Variants in DCAF10 observed in about 807,000 individuals in gnomAD.
DCAF10 encodes DDB1 and CUL4 associated factor 10.
Under a neutral mutation model 51.9 loss-of-function variants are expected in DCAF10, and 19 were observed. The ratio of observed to expected loss-of-function variants is 0.37; its 90% CI spans 0.26 to 0.54. The LOEUF (loss-of-function observed/expected upper bound fraction) is 0.54. Ranked by LOEUF, DCAF10 falls within the 20% of genes least tolerant of loss-of-function variation. The probability of loss-of-function intolerance (pLI) is 0.87; values close to 1 mark genes in which losing one functional copy is unlikely to be tolerated. For missense variants in DCAF10, 510 were observed against 730.6 expected (o/e 0.70, Z 3.48); for synonymous variants, 291 against 297.1 (o/e 0.98, Z 0.21).
At chr9:37,814,427 C>T (rs1441031056) in intron 1 of DCAF10, among the ~76,000 whole-genome samples, 1 of 148,820 alleles carries the variant, frequency 6.7e-6, no homozygotes, top group Non-Finnish European at 1.5e-5. Flanking sequence ...GGGTTACAGG[C>T]GTGAGCCACC....
At chr9:37,857,210 G>T in intron 4 of DCAF10, 31 bp from the exon 5 acceptor site, 1 of 1,520,170 alleles carries the variant, frequency 6.6e-7, no homozygotes, top group Non-Finnish European at 8.9e-7. Context: ...GTTATGCTAG[G>T]TTTATTGTCA....
chr9:37,842,012 T>C (rs976293259), intron 2 of DCAF10, 77 bp from the exon 3 acceptor site: 7 of 1,387,270 alleles, frequency 5.0e-6, no homozygotes, highest in East Asian at 2.3e-5. Context: ...CTAGGTAATA[T>C]AGTGACTGTT....
chr9:37,817,048 T>C (rs937057870), intron 1 of DCAF10, among the ~76,000 whole-genome samples: 2 of 152,194 alleles, frequency 1.3e-5, no homozygotes. Context: ...TGATGTTGCA[T>C]AGAATACCAA....
chr9:37,844,926 A>G (rs1830436676), intron 3 of DCAF10, among the ~76,000 whole-genome samples: 1 of 152,236 alleles, frequency 6.6e-6, no homozygotes, highest in Non-Finnish European at 1.5e-5. Flanking sequence ...GCTACCAACA[A>G]CTAGTGAAAA....
At position 37,800,949 on chromosome 9, in the gene DCAF10, A is replaced by G. The variant is rs910377853; in HGVS notation, c.83A>G (p.Gln28Arg). The change falls in exon 1 of 7, where the codon CAG becomes CGG. Residue 28 changes from glutamine to arginine, a missense_variant. Around this residue, in one of 4 missense-constraint regions of DCAF10, gnomAD observed 251 missense variants for 227.9 expected, o/e 1.10. Transcript: ENST00000377724. ...GAGGAGCCGACGCCCCACGAGGGGCAGGCAGCAGCCACCGGGCCGCCCTCG... is the reference window on the plus strand; with the variant it reads ...GAGGAGCCGACGCCCCACGAGGGGCGGGCAGCAGCCACCGGGCCGCCCTCG... ...GAEEPTPHEG[Q>R]AAATGPPSPL... 1.8e-5 allele frequency: 27 copies of G among 1,501,178 alleles called. No individual in the cohort carries two copies. The highest frequency in any genetic ancestry group is 2.1e-5 in the Non-Finnish European group (24 of 1,132,396). The allele number at this position is 1,501,178 out of a possible 1,614,324, so 93.0% of individuals were successfully genotyped here. A position where few individuals can be genotyped will look rare whatever the true frequency, so the allele number is the denominator to read the frequency against.
At chr9:37,825,828 G>A (rs544741532) in intron 2 of DCAF10, among the ~76,000 whole-genome samples, 63 of 152,138 alleles carry the variant, frequency 4.1e-4, no homozygotes, top group African/African-American at 1.3e-3. Context: ...AGACCAGCCT[G>A]GCCAACATAG....
At chr9:37,856,263 A>G (rs1311406926) in intron 4 of DCAF10, among the ~76,000 whole-genome samples, 1 of 152,260 alleles carries the variant, frequency 6.6e-6, no homozygotes, top group African/African-American at 2.4e-5. Context: ...AGTGCCTGGC[A>G]TAACTGTCAA....
chr9:37,801,049 G>A lies in DCAF10; in HGVS notation c.183G>A (p.Ser61=), dbSNP rs2118999958. ...ARSPRRPGAP[S]LSPAPRSGEL... ...GCCCTCGCCGCCCCGGCGCCCCATC[G>A]CTGTCCCCGGCCCCGCGCTCCGGAG... The change falls in exon 1 of 7, where the codon TCG becomes TCA. Residue 61 remains serine, a synonymous_variant. Coordinates refer to ENST00000377724, the MANE Select transcript of DCAF10 (RefSeq NM_024345.5). This position sits in a 1 kb window ranked among gnomAD's most constrained non-coding sequence, Gnocchi z 5.5. 7 of 1,534,926 alleles carry A rather than the reference G, an allele frequency of 4.6e-6. No individual in the cohort carries two copies. Among genetic ancestry groups the A allele is most frequent in the Non-Finnish European group, 5.2e-6 (6 of 1,149,830 alleles).
At chr9:37,858,792 T>C (rs1265916391) in intron 5 of DCAF10, among the ~76,000 whole-genome samples, 1 of 152,252 alleles carries the variant, frequency 6.6e-6, no homozygotes, top group Non-Finnish European at 1.5e-5. Context: ...GCATTAGAAC[T>C]CTATTTTTGA....
Position 37,838,272 on chromosome 9 carries a change from C to T in DCAF10, c.654-3817C>T, listed in dbSNP as rs193022174. Among the ~76,000 whole-genome samples, 3 of 152,006 alleles carry T rather than the reference C, an allele frequency of 2.0e-5. No homozygotes were observed. In the East Asian group the frequency reaches 5.8e-4, roughly 29 times the overall value. On this transcript the variant is annotated intron_variant, in intron 2 of 6. Transcript: ENST00000377724. Reference sequence around the variant, plus strand: ...TCAACTTTACTAAACATAAAAGTTTCAACTTAAAACAAGATGATTTTTTTC... The same window carrying T: ...TCAACTTTACTAAACATAAAAGTTTTAACTTAAAACAAGATGATTTTTTTC...
intron 2 of DCAF10, among the ~76,000 whole-genome samples, chr9:37,838,289 A>AT (rs1289596907): frequency 6.6e-6 from 1 of 152,104 alleles, no homozygotes; most frequent in Non-Finnish European, 1.5e-5. Context: ...AAACAAGATG[A>AT]TTTTTTTCCT....
At chr9:37,836,056 T>A in intron 2 of DCAF10, 1 of 1,122,224 alleles carries the variant, frequency 8.9e-7, no homozygotes, top group South Asian at 1.2e-5. Context: ...AAGGCTGTAT[T>A]GGACAGTTAT....
At chr9:37,846,670 T>C (rs995368695) in intron 3 of DCAF10, among the ~76,000 whole-genome samples, 6 of 152,040 alleles carry the variant, frequency 3.9e-5, no homozygotes, top group Non-Finnish European at 8.8e-5. Flanking sequence ...TTGGTCAGGC[T>C]GGTCTCAAAC....
At chr9:37,837,273 A>G (rs1438065664) in intron 2 of DCAF10, among the ~76,000 whole-genome samples, 3 of 152,086 alleles carry the variant, frequency 2.0e-5, no homozygotes, top group Non-Finnish European at 4.4e-5. Context: ...ATCCTGGCTA[A>G]CACGGTGAAA....
At chr9:37,842,053 T>G in intron 2 of DCAF10, 36 bp from the exon 3 acceptor site, 1 of 1,579,752 alleles carries the variant, frequency 6.3e-7, no homozygotes, top group African/African-American at 1.4e-5. Context: ...AAAAAGAGAT[T>G]AAATGAACCA....
rs536195262 is a variant in DCAF10 at position 37,866,673 on chromosome 9, C to G, written c.*5165C>G. The G allele has an allele frequency of 9.2e-5, 14 of 152,666 alleles. No homozygotes were observed. The East Asian group carries it at 2.7e-3, about 29-fold the overall frequency. The allele number at this position is 152,666 out of a possible 1,614,324, so 9.5% of individuals were successfully genotyped here. A position where few individuals can be genotyped will look rare whatever the true frequency, so the allele number is the denominator to read the frequency against. On this transcript the variant is annotated 3_prime_UTR_variant, in exon 7 of 7. Coordinates refer to ENST00000377724, the MANE Select transcript of DCAF10 (RefSeq NM_024345.5). ...TTGAGACAGCTCTTTTGGTTGCTTT[C>G]CACTTTTCTGAAAGGTTCACAGTAA...
At chr9:37,807,077 G>A (rs1372600191) in intron 1 of DCAF10, among the ~76,000 whole-genome samples, 3 of 152,172 alleles carry the variant, frequency 2.0e-5, no homozygotes, top group African/African-American at 7.2e-5. Context: ...GAAACTAACA[G>A]CAAGCATTTG....
rs115966513 is a variant in DCAF10, at chr9:37,838,199, A to G, written c.654-3890A>G. Among the ~76,000 whole-genome samples the G allele has an allele frequency of 3.6e-3, 553 of 152,322 alleles. 4 individuals carry two copies. The highest frequency in any genetic ancestry group is 0.013 in the African/African-American group (535 of 41,568). ...TACTGCAGTTGTAAAATCAGCAAGG[A>G]ACATGAACAGCAAAGAAATATATTT... On this transcript the variant is annotated intron_variant, in intron 2 of 6. Coordinates refer to ENST00000377724, the MANE Select transcript of DCAF10 (RefSeq NM_024345.5).
chr9:37,855,756 T>TC lies in DCAF10; in HGVS notation c.1054+777dup, dbSNP rs944205852. 6.6e-5 allele frequency among the ~76,000 whole-genome samples: 10 copies of TC among 152,172 alleles called. 1 individual carries two copies. The highest frequency in any genetic ancestry group is 6.5e-4 in the Admixed American group (10 of 15,270). ...CAGGTGCGGGGGCTCACACCTGTAA[T>TC]CCCATCACTTTGGGAGGCCAAGGTG... is the stretch of plus-strand genomic sequence containing the variant. On this transcript the variant is annotated intron_variant, in intron 4 of 6. Transcript: ENST00000377724.
Sources: allele counts gnomAD v4.1 joint callset (sites outside exome capture counted in the v4.1 genomes callset), GRCh38; gene constraint gnomAD v4.1.1; regional missense constraint gnomAD v4.1.1; non-coding constraint Gnocchi (gnomAD v3.1); transcripts MANE v1.5; gene names NCBI Gene and HGNC (gene_info 2026-07-23, HGNC 2026-07-21).